The following SCN9A variants were observed in gnomAD, a reference collection of about 807,000 sequenced individuals.
SCN9A encodes the protein sodium voltage-gated channel alpha subunit 9.
SCN9A carries 131 observed loss-of-function variants against 187.0 expected under a neutral mutation model. That is an observed-to-expected ratio of 0.70 (90% CI 0.61 to 0.81). The LOEUF is 0.81. SCN9A is among the 30% of genes least tolerant of loss of function. The probability of loss-of-function intolerance (pLI) is 0.00; values close to 1 mark genes in which losing one functional copy is unlikely to be tolerated. For synonymous variants in SCN9A, 809 were observed against 808.6 expected, an observed-to-expected ratio of 1.00 and a Z score of -0.01; for missense variants, 2,252 against 2,396.6, an observed-to-expected ratio of 0.94 and a Z score of 1.26.
At chr2:166,216,438 A>C (rs1290648400) in intron 24 of SCN9A, among the ~76,000 whole-genome samples, 1 of 152,032 alleles carries the variant, frequency 6.6e-6, no homozygotes, top group African/African-American at 2.4e-5. Flanking sequence ...GCAAGAAATA[A>C]AATTATCTCT....
intron 1 of SCN9A, among the ~76,000 whole-genome samples, chr2:166,342,882 A>T (rs989898178): frequency 6.6e-6 from 1 of 152,190 alleles, no homozygotes; most frequent in African/African-American, 2.4e-5. Flanking sequence ...TGCCCTTTGC[A>T]TACATCCACC....
In SCN9A at chr2:166,278,233, C is replaced by T. The variant is rs769971743; in HGVS notation, c.2424G>A (p.Trp808Ter). The T allele has an allele frequency of 1.2e-5, 20 of 1,612,402 alleles. No individual in the cohort carries two copies. The highest frequency in any genetic ancestry group is 1.6e-5 in the Non-Finnish European group (19 of 1,179,086). ...MDPYEYFQVG[W>*]NIFDSLIVTL... ...TCACAATAAGGCTGTCAAAAATATTCCAGCCTACTTGGAAATACTCATATG... is the reference window on the plus strand; with the variant it reads ...TCACAATAAGGCTGTCAAAAATATTTCAGCCTACTTGGAAATACTCATATG... The change falls in exon 15 of 27, where the codon TGG (tryptophan) becomes TGA (stop). Residue 808 changes from tryptophan to a stop codon, truncating the protein, a stop_gained. Coordinates refer to ENST00000642356, the MANE Select transcript of SCN9A (RefSeq NM_001365536.1). LOFTEE classifies it high-confidence loss of function.
At chr2:166,236,895 C>T (rs1374221652) in intron 20 of SCN9A, among the ~76,000 whole-genome samples, 1 of 151,996 alleles carries the variant, frequency 6.6e-6, no homozygotes, top group Non-Finnish European at 1.5e-5. Context: ...CTTAAAAGCT[C>T]GATAATGCAA....
intron 1 of SCN9A, among the ~76,000 whole-genome samples, chr2:166,316,752 G>A (rs544911099): frequency 5.9e-5 from 9 of 152,154 alleles, no homozygotes; most frequent in Admixed American, 5.9e-4. Flanking sequence ...TCTATCAAAA[G>A]CCTTAAACAC....
intron 24 of SCN9A, among the ~76,000 whole-genome samples, chr2:166,218,635 A>G (rs1694444832): frequency 6.6e-6 from 1 of 152,118 alleles, no homozygotes; most frequent in African/African-American, 2.4e-5. Flanking sequence ...AGCCTAGGCA[A>G]TACCATTCAG....
At chr2:166,316,680 C>G (rs569926252) in intron 1 of SCN9A, among the ~76,000 whole-genome samples, 1 of 152,150 alleles carries the variant, frequency 6.6e-6, no homozygotes, top group African/African-American at 2.4e-5. Flanking sequence ...GGCAATAGAG[C>G]GAGACTCCGT....
intron 20 of SCN9A, among the ~76,000 whole-genome samples, chr2:166,237,842 T>TA (rs1217920655): frequency 1.4e-4 from 22 of 152,276 alleles, no homozygotes; most frequent in South Asian, 1.0e-3. Context: ...GCAGAAAACA[T>TA]AAAAAACTCA....
chr2:166,218,177 A>C (rs1399185083), intron 24 of SCN9A, among the ~76,000 whole-genome samples: 4 of 150,366 alleles, frequency 2.7e-5, no homozygotes, highest in African/African-American at 9.8e-5. Flanking sequence ...TCCCAACATG[A>C]ATGAAACTAA....
chr2:166,236,603 A>G lies in SCN9A; in HGVS notation c.3801+1491T>C, dbSNP rs184023932. ...GTCTGGCTAATTTTTTGTATTTTTTAGTAGAGACGGGGTTTCACCATGTTG... is the reference window on the plus strand; with the variant it reads ...GTCTGGCTAATTTTTTGTATTTTTTGGTAGAGACGGGGTTTCACCATGTTG... On this transcript the variant is annotated intron_variant, in intron 20 of 26. Transcript: ENST00000642356. 3.2e-3 allele frequency among the ~76,000 whole-genome samples: 484 copies of G among 152,080 alleles called. 1 individual carries two copies. Among genetic ancestry groups the G allele is most frequent in the African/African-American group, 0.011 (473 of 41,528 alleles).
intron 17 of SCN9A, among the ~76,000 whole-genome samples, chr2:166,258,544 A>G (rs966301757): frequency 1.3e-5 from 2 of 151,584 alleles, no homozygotes; most frequent in Non-Finnish European, 3.0e-5. Context: ...TACTGAGTTG[A>G]TTTAAAAAAA....
intron 16 of SCN9A, among the ~76,000 whole-genome samples, chr2:166,274,388 G>A (rs903701321): frequency 5.3e-5 from 8 of 152,046 alleles, no homozygotes; most frequent in Admixed American, 4.6e-4. Context: ...GTCTTCGCAA[G>A]TTTCCTGATA....
At position 166,251,715 on chromosome 2, in the gene SCN9A, C is replaced by T. The variant is rs186589613; in HGVS notation, c.3472+50G>A. 1.0e-4 allele frequency: 166 copies of T among 1,607,532 alleles called. No individual in the cohort carries two copies. The African/African-American group carries it at 2.0e-3, about 19-fold the overall frequency. ...TAAGTATTAGGCGTTAAGACAAACC[C>T]CAGAACACTAATTAAGGAATGCTAA... On this transcript the variant is annotated intron_variant, in intron 18 of 26. Coordinates refer to ENST00000642356, the MANE Select transcript of SCN9A (RefSeq NM_001365536.1).
chr2:166,331,910 T>G (rs1699513740), intron 1 of SCN9A, among the ~76,000 whole-genome samples: 1 of 152,188 alleles, frequency 6.6e-6, no homozygotes, highest in Non-Finnish European at 1.5e-5. Flanking sequence ...TCTACTTTTT[T>G]TTCTATCCAA....
intron 1 of SCN9A, among the ~76,000 whole-genome samples, chr2:166,361,194 G>T (rs187735078): frequency 1.4e-4 from 21 of 148,062 alleles, no homozygotes; most frequent in Non-Finnish European, 9.2e-5. Flanking sequence ...TACACTTTCA[G>T]TGCACAATAC....
At chr2:166,303,038 C>A in intron 7 of SCN9A, 52 bp downstream of exon 7, 1 of 1,244,680 alleles carries the variant, frequency 8.0e-7, no homozygotes. Flanking sequence ...TAAAAGAGAG[C>A]AATGTTTTTA....
chr2:166,215,512 C>T (rs1379687889), intron 24 of SCN9A, among the ~76,000 whole-genome samples: 1 of 151,352 alleles, frequency 6.6e-6, no homozygotes, highest in Non-Finnish European at 1.5e-5. Flanking sequence ...AATCGAAAAA[C>T]CTTTAACTAG....
chr2:166,352,491 T>C (rs1559057880), intron 1 of SCN9A, among the ~76,000 whole-genome samples: 1 of 152,224 alleles, frequency 6.6e-6, no homozygotes, highest in Admixed American at 6.5e-5. Context: ...GCAAGGACCT[T>C]ACATTCTGTA....
rs1263163942 is a variant in SCN9A, at chr2:166,257,668, T to A, written c.3352-5783A>T. Among the ~76,000 whole-genome samples the A allele has an allele frequency of 2.6e-5, 4 of 151,570 alleles. No individual in the cohort carries two copies. In the East Asian group the frequency reaches 7.8e-4, roughly 29 times the overall value. On this transcript the variant is annotated intron_variant, in intron 17 of 26. Transcript: ENST00000642356. ...CTTTTCTAACAGCTTGGTAAAAAAG[T>A]AATAAGAATTTATGAATTCAAAACA...
rs369590444 is a variant in SCN9A at position 166,269,111 on chromosome 2, C to A, written c.3351+3288G>T. Reference sequence around the variant, plus strand: ...ACACTCTTTTATCATATAGATATAACCATTATGTAATGAGAAAAAAATTAG... The same window carrying A: ...ACACTCTTTTATCATATAGATATAAACATTATGTAATGAGAAAAAAATTAG... On this transcript the variant is annotated intron_variant, in intron 17 of 26. Coordinates refer to ENST00000642356, the MANE Select transcript of SCN9A (RefSeq NM_001365536.1). Among the ~76,000 whole-genome samples, 24 of 151,642 alleles carry A rather than the reference C, an allele frequency of 1.6e-4. No homozygotes were observed. The South Asian group carries it at 5.0e-3, about 32-fold the overall frequency.
Sources: gnomAD v4.1 joint callset for allele counts (sites outside exome capture counted in the v4.1 genomes callset) on GRCh38, gnomAD v4.1.1 for gene constraint, MANE v1.5 for transcripts, NCBI Gene and HGNC (gene_info 2026-07-23, HGNC 2026-07-21) for gene names.